The following POLR3F variants were observed in gnomAD, a reference collection of about 807,000 sequenced individuals.
The protein encoded by POLR3F is DNA-directed RNA polymerase III subunit RPC6.
A neutral mutation model predicts 43.6 loss-of-function variants in POLR3F; 31 were observed. The observed-to-expected ratio is 0.71, with a 90% confidence interval of 0.53 to 0.96. The LOEUF is 0.96. Among genes scored for constraint, POLR3F ranks in the 40% least tolerant of loss-of-function variants. The pLI, the probability that POLR3F is intolerant of heterozygous loss-of-function variation, is 0.00. For missense variants in POLR3F, 316 were observed against 391.7 expected, an observed-to-expected ratio of 0.81 and a Z score of 1.63; for synonymous variants, 114 against 132.5, an observed-to-expected ratio of 0.86 and a Z score of 0.96.
At chr20:18,474,152 G>A (rs954541394) in intron 4 of POLR3F, among the ~76,000 whole-genome samples, 2 of 150,662 alleles carry the variant, frequency 1.3e-5, no homozygotes, top group East Asian at 3.9e-4. Flanking sequence ...CATTACATTG[G>A]GAAGAAAATA....
chr20:18,476,685 G>A (rs2059782479), intron 5 of POLR3F, among the ~76,000 whole-genome samples: 1 of 152,114 alleles, frequency 6.6e-6, no homozygotes, highest in Non-Finnish European at 1.5e-5. Flanking sequence ...AAAATTTTTT[G>A]AAAACCTCTG....
In POLR3F at chr20:18,468,926, TA is replaced by T. The variant is rs750670407; in HGVS notation, c.63-16del. The T allele has an allele frequency of 1.7e-6, 2 of 1,142,966 alleles. No individual in the cohort carries two copies. The highest frequency in any genetic ancestry group is 1.3e-6 in the Non-Finnish European group (1 of 749,762). The allele number at this position is 1,142,966 out of a possible 1,614,324, so 70.8% of individuals were successfully genotyped here. ...AACAGGTAACCATGAAGGATAACAT[TA>T]ATACCTTTGTTTCTAGGATTATAGA... is the stretch of plus-strand genomic sequence containing the variant. On this transcript the variant is annotated splice_polypyrimidine_tract_variant and intron_variant, in intron 1 of 8. Coordinates refer to ENST00000377603, the MANE Select transcript of POLR3F (RefSeq NM_006466.4).
chr20:18,473,190 TG>T (rs561226014), intron 3 of POLR3F, among the ~76,000 whole-genome samples, 200 bp from the exon 4 acceptor site: 126 of 152,270 alleles, frequency 8.3e-4, no homozygotes, highest in Middle Eastern at 3.4e-3. Context: ...TTTTGCAATT[TG>T]TTTTTTTCAC....
rs2059827030 is a variant in POLR3F, at chr20:18,484,372, G to A, written c.*814G>A. ...GTTTGTGTGCCCCCAGAATTCTAAT[G>A]TTGAAATCTCATTTCCAATGTGATG... On this transcript the variant is annotated 3_prime_UTR_variant, in exon 9 of 9. Transcript: ENST00000377603. 2.7e-6 allele frequency: 1 copy of A among 371,348 alleles called. No individual in the cohort carries two copies. Among genetic ancestry groups the A allele is most frequent in the African/African-American group, 2.1e-5 (1 of 48,240 alleles). The allele number at this position is 371,348 out of a possible 1,614,324, so 23.0% of individuals were successfully genotyped here.
At chr20:18,477,061 G>A (rs1388173343) in intron 5 of POLR3F, among the ~76,000 whole-genome samples, 4 of 134,818 alleles carry the variant, frequency 3.0e-5, no homozygotes, top group Non-Finnish European at 1.6e-5. Context: ...CAACAAAAGC[G>A]AAACTCCATC....
intron 5 of POLR3F, among the ~76,000 whole-genome samples, chr20:18,478,218 CTTT>C (rs775165488): frequency 5.0e-5 from 7 of 140,982 alleles, no homozygotes; most frequent in Admixed American, 7.1e-5. Flanking sequence ...AAATTTTTTT[CTTT>C]TTTTTTTTTT....
At position 18,481,600 on chromosome 20, in the gene POLR3F, T is replaced by C; in HGVS notation, c.682-19T>C. ...CTCCCTATCCTACTTGTGTCCTTTC[T>C]GATGTATCCCTTTTTTAGGTAGAGT... On this transcript the variant is annotated intron_variant, in intron 7 of 8. Transcript: ENST00000377603. 6.5e-7 allele frequency: 1 copy of C among 1,540,586 alleles called. No individual in the cohort carries two copies. The highest frequency in any genetic ancestry group is 9.0e-7 in the Non-Finnish European group (1 of 1,113,350).
Position 18,480,140 on chromosome 20 carries a change from G to A in POLR3F, c.532G>A (p.Glu178Lys). ...SDQDFESEFVEVLNQQCFKFL... is the reference protein window; with the variant it reads ...SDQDFESEFVKVLNQQCFKFL... ...CCAGGATTTTGAATCTGAATTTGTA[G>A]AGGTGCTTAACCAACAGTGTTTTAA... is the stretch of plus-strand genomic sequence containing the variant. The change falls in exon 6 of 9, where the codon GAG (glutamate) becomes AAG (lysine). Residue 178 changes from glutamate (E) to lysine (K), a missense_variant. Around this residue, in one of 3 missense-constraint regions of POLR3F, gnomAD observed 109 missense variants for 177.7 expected, o/e 0.61. Transcript: ENST00000377603. 1.2e-6 allele frequency: 2 copies of A among 1,612,834 alleles called. No homozygotes were observed. Among genetic ancestry groups the A allele is most frequent in the Admixed American group, 1.7e-5 (1 of 59,956 alleles).
Position 18,483,550 on chromosome 20 carries a change from G to A in POLR3F, c.943G>A (p.Glu315Lys), listed in dbSNP as rs771799088. Residue 315 changes from glutamate to lysine, a missense_variant, in exon 9 of 9, where the codon GAA becomes AAA. By Grantham distance (56) the Glu-to-Lys change is moderately conservative. Around this residue, in one of 3 missense-constraint regions of POLR3F, gnomAD observed 85 missense variants for 80.2 expected, o/e 1.06. Coordinates refer to ENST00000377603, the MANE Select transcript of POLR3F (RefSeq NM_006466.4). ...SNCIYMTEWL[E>K]F ...CTGTATTTACATGACAGAGTGGCTC[G>A]AATTTTAATAGAGAGCTATGAACTT... The A allele has an allele frequency of 1.2e-4, 164 of 1,410,856 alleles. No homozygotes were observed. The highest frequency in any genetic ancestry group is 5.9e-4 in the African/African-American group (41 of 69,486). 87.4% of individuals were successfully genotyped at this position (1,410,856 alleles called of 1,614,324 possible).
At chr20:18,475,259 G>A (rs1332108100) in intron 5 of POLR3F, 72 bp downstream of exon 5, 10 of 653,938 alleles carry the variant, frequency 1.5e-5, no homozygotes, top group Middle Eastern at 2.7e-4. Flanking sequence ...GTTATGTCAT[G>A]ATTTAGAACA....
At position 18,480,055 on chromosome 20, in the gene POLR3F, G is replaced by A; in HGVS notation, c.447G>A (p.Val149=). Residue 149 remains valine, a synonymous_variant, in exon 6 of 9, where the codon GTG becomes GTA. Transcript: ENST00000377603. ...VKSVAASKKK[V]YMLYNLQPDR... ...TTTCCTAGGCCTCAAAAAAGAAGGT[G>A]TATATGCTCTATAACCTGCAGCCAG... The A allele has an allele frequency of 6.2e-7, 1 of 1,611,026 alleles. No individual in the cohort carries two copies.
rs763862865 is a variant in POLR3F at position 18,481,654 on chromosome 20, G to A, written c.717G>A (p.Leu239=). ...CCATGGAAGACATTGAAACCATCCT[G>A]AATACACTCATTTATGATGGAAAAG... The part of the protein sequence containing the change: ...ELSMEDIETI[L]NTLIYDGKVE... The change falls in exon 8 of 9, where the codon CTG becomes CTA. Residue 239 remains leucine, a synonymous_variant. Transcript: ENST00000377603. 1.2e-6 allele frequency: 2 copies of A among 1,612,624 alleles called. No individual in the cohort carries two copies. Among genetic ancestry groups the A allele is most frequent in the Non-Finnish European group, 8.5e-7 (1 of 1,178,666 alleles).
rs730203 is a variant in POLR3F at position 18,467,428 on chromosome 20, A to T, written c.-79A>T. 1.2e-3 allele frequency: 1,882 copies of T among 1,511,204 alleles called. 29 individuals carry two copies. In the African/African-American group the frequency reaches 0.022, roughly 17 times the overall value. 93.6% of individuals were successfully genotyped at this position (1,511,204 alleles called of 1,614,324 possible). A position where few individuals can be genotyped will look rare whatever the true frequency, so the allele number is the denominator to read the frequency against. On this transcript the variant is annotated 5_prime_UTR_variant, in exon 1 of 9. Transcript: ENST00000377603. The stretch of plus-strand genomic sequence containing the variant: ...CGGCCTCAGCAGAGCGCTATCCTCC[A>T]CTGGTTCCCCGGGTTCCCCGGCTTG...
intron 5 of POLR3F, among the ~76,000 whole-genome samples, chr20:18,475,527 GT>G (rs1460951478): frequency 2.6e-5 from 4 of 152,210 alleles, no homozygotes; most frequent in Non-Finnish European, 4.4e-5. Context: ...GCCAGACACT[GT>G]TTTGAGTGCT....
At position 18,484,270 on chromosome 20, in the gene POLR3F, T is replaced by C. The variant is rs1343887507; in HGVS notation, c.*712T>C. 3 of 397,372 alleles carry C rather than the reference T, an allele frequency of 7.5e-6. No individual in the cohort carries two copies. The highest frequency in any genetic ancestry group is 1.3e-5 in the Non-Finnish European group (3 of 225,536). 24.6% of individuals were successfully genotyped at this position (397,372 alleles called of 1,614,324 possible). On this transcript the variant is annotated 3_prime_UTR_variant, in exon 9 of 9. Coordinates refer to ENST00000377603, the MANE Select transcript of POLR3F (RefSeq NM_006466.4). ...GTTCCTTCTTTCTTAAAGTCTTATG[T>C]TTCACTCTTTAACTCAAATGTATTC...
In POLR3F at chr20:18,473,443, G is replaced by A. The variant is rs769709037; in HGVS notation, c.301G>A (p.Asp101Asn). 4.0e-5 allele frequency: 59 copies of A among 1,481,810 alleles called. No homozygotes were observed. Among genetic ancestry groups the A allele is most frequent in the Middle Eastern group, 1.7e-4 (1 of 5,818 alleles). The allele number at this position is 1,481,810 out of a possible 1,614,324, so 91.8% of individuals were successfully genotyped here. A position where few individuals can be genotyped will look rare whatever the true frequency, so the allele number is the denominator to read the frequency against. Reference protein sequence around the residue: ...QEKLVYQIIEDAGNKGIWSRD... With the variant: ...QEKLVYQIIENAGNKGIWSRD... ...AAAACTAGTATATCAAATCATAGAG[G>A]ATGCAGGAAATAAAGGTAAGCATGT... is the stretch of plus-strand genomic sequence containing the variant. Residue 101 changes from aspartate (D) to asparagine (N), a missense_variant, in exon 4 of 9, where the codon GAT becomes AAT. Physicochemically the swap from Asp to Asn is conservative, Grantham distance 23. Around this residue, in one of 3 missense-constraint regions of POLR3F, gnomAD observed 122 missense variants for 133.8 expected, o/e 0.91. Transcript: ENST00000377603.
chr20:18,482,154 AT>A (rs1168704697), intron 8 of POLR3F, among the ~76,000 whole-genome samples: 1 of 151,284 alleles, frequency 6.6e-6, no homozygotes, highest in Non-Finnish European at 1.5e-5. Context: ...TGCCCAGCTA[AT>A]TTTTTTTATT....
intron 5 of POLR3F, among the ~76,000 whole-genome samples, chr20:18,478,766 G>A (rs2059793704): frequency 6.6e-6 from 1 of 152,194 alleles, no homozygotes; most frequent in African/African-American, 2.4e-5. Context: ...AGAAGGCCTA[G>A]AAGTGATGAC....
rs761578429 is a variant in POLR3F, at chr20:18,481,852, G to A, written c.873+42G>A. On this transcript the variant is annotated intron_variant, in intron 8 of 8. Transcript: ENST00000377603. ...TCACTTTACACTTGACTGCCCACGG[G>A]TGCAAGTGCCACATTAAGAAACAGA... The A allele has an allele frequency of 2.3e-5, 29 of 1,240,950 alleles. No homozygotes were observed. The East Asian group carries it at 6.5e-4, about 28-fold the overall frequency. 76.9% of individuals were successfully genotyped at this position (1,240,950 alleles called of 1,614,324 possible).
Sources: allele counts gnomAD v4.1 joint callset (sites outside exome capture counted in the v4.1 genomes callset), GRCh38; gene constraint gnomAD v4.1.1; regional missense constraint gnomAD v4.1.1; transcripts MANE v1.5; gene names NCBI Gene and HGNC (gene_info 2026-07-23, HGNC 2026-07-21).